The following MMP21 variants were observed in gnomAD, a reference collection of about 807,000 sequenced individuals.
The protein encoded by MMP21 is matrix metalloproteinase-21.
A neutral mutation model predicts 47.8 loss-of-function variants in MMP21; 40 were observed. That is an observed-to-expected ratio of 0.84 (90% CI 0.65 to 1.09). The LOEUF is 1.09. Ranked by LOEUF, MMP21 falls within the 50% of genes least tolerant of loss-of-function variation. The pLI is 0.00. For missense variants in MMP21, 747 were observed against 775.3 expected (o/e 0.96, Z 0.43); for synonymous variants, 341 against 318.0 (o/e 1.07, Z -0.77).
Position 125,773,802 on chromosome 10 carries a change from G to A in MMP21, c.697+29C>T. ...CCGGGGTCCCCGAGGGGCTGGGTCG[G>A]GCAGGCAGGGAGCCCGGGGTGCTCT... On this transcript the variant is annotated intron_variant, in intron 2 of 6. Coordinates refer to ENST00000368808, the MANE Select transcript of MMP21 (RefSeq NM_147191.1). This position sits in a 1 kb window ranked among gnomAD's most constrained non-coding sequence, Gnocchi z 4.8. The A allele has an allele frequency of 6.8e-7, 1 of 1,474,594 alleles. No homozygotes were observed. The highest frequency in any genetic ancestry group is 8.9e-7 in the Non-Finnish European group (1 of 1,118,066). The allele number at this position is 1,474,594 out of a possible 1,614,324, so 91.3% of individuals were successfully genotyped here.
Position 125,773,649 on chromosome 10 carries a change from G to T in MMP21, c.697+182C>A, listed in dbSNP as rs911390621. Among the ~76,000 whole-genome samples the T allele has an allele frequency of 6.6e-6, 1 of 151,416 alleles. No individual in the cohort carries two copies. The highest frequency in any genetic ancestry group is 2.0e-4 in the East Asian group (1 of 5,100). On this transcript the variant is annotated intron_variant, in intron 2 of 6. Transcript: ENST00000368808. This position sits in a 1 kb window ranked among gnomAD's most constrained non-coding sequence, Gnocchi z 4.8. Reference sequence around the variant, plus strand: ...TAGGCCACACCAGGCTATCTGCAGGGTGACCATGATTCCGACAAGACGACG... The same window carrying T: ...TAGGCCACACCAGGCTATCTGCAGGTTGACCATGATTCCGACAAGACGACG...
At position 125,774,076 on chromosome 10, in the gene MMP21, G is replaced by A. The variant is rs909424533; in HGVS notation, c.452C>T (p.Ser151Phe). ...RSRRSPRAPL[S>F]LSRRGWQPRG... ...GGGCTGCCAACCCCGCCGGGACAAG[G>A]ACAGCGGCGCCCGCGGGGAGCGCCT... Residue 151 changes from serine (S) to phenylalanine (F), a missense_variant, in exon 2 of 7, where the codon TCC becomes TTC. Physicochemically the swap from Ser to Phe is radical, Grantham distance 155 (BLOSUM62 -2). Coordinates refer to ENST00000368808, the MANE Select transcript of MMP21 (RefSeq NM_147191.1). 6.4e-6 allele frequency: 9 copies of A among 1,404,090 alleles called. No individual in the cohort carries two copies. In the African/African-American group the frequency reaches 7.5e-5, roughly 12 times the overall value. 87.0% of individuals were successfully genotyped at this position (1,404,090 alleles called of 1,614,324 possible).
chr10:125,773,597 T>G lies in MMP21; in HGVS notation c.697+234A>C. On this transcript the variant is annotated intron_variant, in intron 2 of 6. Transcript: ENST00000368808. The surrounding 1 kb of genome is among the most constrained non-coding windows in gnomAD (Gnocchi z 4.8). ...GAGGAGCAGCCCGGGCAGCAGCCTG[T>G]GCCCAGGGCCGGCCCTAGTGTCCCA... 6.6e-6 allele frequency among the ~76,000 whole-genome samples: 1 copy of G among 151,794 alleles called. No homozygotes were observed. The highest frequency in any genetic ancestry group is 2.0e-4 in the East Asian group (1 of 5,094).
At position 125,772,656 on chromosome 10, in the gene MMP21, C is replaced by T. The variant is rs769743257; in HGVS notation, c.792G>A (p.Glu264=). The stretch of plus-strand genomic sequence containing the variant: ...TGTCACTGGTGGGAGGTGTGAAGTG[C>T]TCGTCGTCGTCAAAGTGAATGTCAC... ...RLGDIHFDDD[E]HFTPPTSDTG... The change falls in exon 3 of 7, where the codon GAG becomes GAA. Residue 264 remains glutamate, a synonymous_variant. Coordinates refer to ENST00000368808, the MANE Select transcript of MMP21 (RefSeq NM_147191.1). This position sits in a 1 kb window ranked among gnomAD's most constrained non-coding sequence, Gnocchi z 5.6. 8.1e-6 allele frequency: 13 copies of T among 1,614,118 alleles called. No individual in the cohort carries two copies. Among genetic ancestry groups the T allele is most frequent in the Non-Finnish European group, 1.1e-5 (13 of 1,180,052 alleles).
In MMP21 at chr10:125,766,619, T is replaced by A; in HGVS notation, c.*43A>T. 6.7e-7 allele frequency: 1 copy of A among 1,487,200 alleles called. No individual in the cohort carries two copies. The allele number at this position is 1,487,200 out of a possible 1,614,324, so 92.1% of individuals were successfully genotyped here. On this transcript the variant is annotated 3_prime_UTR_variant, in exon 7 of 7. Coordinates refer to ENST00000368808, the MANE Select transcript of MMP21 (RefSeq NM_147191.1). ...GTTTTCTTTGTAAACAGTATCAGAA[T>A]TTTAGCGAAGTCCTATGACCCTCCA...
At position 125,773,042 on chromosome 10, in the gene MMP21, C is replaced by T. The variant is rs1293322034; in HGVS notation, c.698-292G>A. Among the ~76,000 whole-genome samples, 7 of 152,222 alleles carry T rather than the reference C, an allele frequency of 4.6e-5. No homozygotes were observed. Among genetic ancestry groups the T allele is most frequent in the African/African-American group, 7.2e-5 (3 of 41,460 alleles). ...GGGAAGATGGCAAAAAGGCCTCACC[C>T]GGACAAGATCGGGGCCGGATCCTCG... On this transcript the variant is annotated intron_variant, in intron 2 of 6. Transcript: ENST00000368808. This position sits in a 1 kb window ranked among gnomAD's most constrained non-coding sequence, Gnocchi z 4.8.
At chr10:125,775,635 T>G in intron 1 of MMP21, 25 bp downstream of exon 1, 1 of 1,584,174 alleles carries the variant, frequency 6.3e-7, no homozygotes, top group Non-Finnish European at 8.6e-7. Context: ...CTGGGGGTAT[T>G]GCTGTTCTTC....
chr10:125,770,341 AAAAT>A lies in MMP21; in HGVS notation c.1226_1229del (p.Tyr409PhefsTer30). The A allele has an allele frequency of 1.2e-6, 2 of 1,614,174 alleles. No individual in the cohort carries two copies. The highest frequency in any genetic ancestry group is 1.7e-6 in the Non-Finnish European group (2 of 1,180,022). On this transcript the variant is annotated frameshift_variant, in exon 5 of 7. Transcript: ENST00000368808. LOFTEE classifies it high-confidence loss of function. ...TCCATGAAGAATCTGTACCTTGAAA[AAAAT>A]AACGTTCATCTCTTTTCCATGTCCA...
chr10:125,772,119 T>G lies in MMP21; in HGVS notation c.979+99A>C. The G allele has an allele frequency of 1.4e-6, 2 of 1,439,192 alleles. No homozygotes were observed. Among genetic ancestry groups the G allele is most frequent in the South Asian group, 2.5e-5 (2 of 79,216 alleles). 89.2% of individuals were successfully genotyped at this position (1,439,192 alleles called of 1,614,324 possible). On this transcript the variant is annotated intron_variant, in intron 4 of 6. Coordinates refer to ENST00000368808, the MANE Select transcript of MMP21 (RefSeq NM_147191.1). The surrounding 1 kb of genome is among the most constrained non-coding windows in gnomAD (Gnocchi z 5.6). ...ACATGAGTTGTACAACGTTGCGCTC[T>G]TAGGCCCAGTTTCCCAGTGAGGAGT...
At chr10:125,771,717 T>C (rs908749999) in intron 4 of MMP21, among the ~76,000 whole-genome samples, 5 of 152,164 alleles carry the variant, frequency 3.3e-5, no homozygotes, top group African/African-American at 9.7e-5. Flanking sequence ...GACCTTTGAA[T>C]GGAAAAGAGG....
At chr10:125,766,995 A>G in intron 6 of MMP21, 34 bp from the exon 7 acceptor site, 1 of 1,499,816 alleles carries the variant, frequency 6.7e-7, no homozygotes, top group Non-Finnish European at 8.9e-7. Context: ...GGCTCTTCTG[A>G]AAATTATTAA....
chr10:125,767,839 G>A (rs1001669636), intron 5 of MMP21, 135 bp from the exon 6 acceptor site: 12 of 830,876 alleles, frequency 1.4e-5, no homozygotes, highest in African/African-American at 3.4e-5. Context: ...CGGGGCTTTC[G>A]GCATCTGAGT....
rs1462004876 is a variant in MMP21, at chr10:125,772,534, A to G, written c.837+77T>C. The G allele has an allele frequency of 2.5e-6, 4 of 1,604,622 alleles. No individual in the cohort carries two copies. The highest frequency in any genetic ancestry group is 2.2e-5 in the East Asian group (1 of 44,658). ...TCAGAGGTTGCGGACACTACATGAG[A>G]AAAGCTTGGACTTTTTGGACGTCAG... On this transcript the variant is annotated intron_variant, in intron 3 of 6. Coordinates refer to ENST00000368808, the MANE Select transcript of MMP21 (RefSeq NM_147191.1). The surrounding 1 kb of genome is among the most constrained non-coding windows in gnomAD (Gnocchi z 5.6).
chr10:125,771,406 A>AT (rs11432830), intron 4 of MMP21, among the ~76,000 whole-genome samples: 1,566 of 140,316 alleles, frequency 0.011, 17 homozygotes, highest in East Asian at 0.041. Flanking sequence ...GTTAGGGACT[A>AT]TTTTTTTTTT....
intron 5 of MMP21, among the ~76,000 whole-genome samples, chr10:125,769,440 C>G (rs532069801): frequency 6.6e-6 from 1 of 152,236 alleles, no homozygotes; most frequent in Non-Finnish European, 1.5e-5. Flanking sequence ...GACCTCATCC[C>G]GGGTAAGTCT....
In MMP21 at chr10:125,775,687, C is replaced by T. The variant is rs761744707; in HGVS notation, c.135G>A (p.Lys45=). The change falls in exon 1 of 7, where the codon AAG becomes AAA. Residue 45 remains lysine (K), a synonymous_variant. Transcript: ENST00000368808. ...GAGCAGCGTGGAGGTCGGCAATGGG[C>T]TTGGCCTGGCGCAGTGGGGACGGCT... ...DLEPSPLRQA[K]PIADLHAAQR... The T allele has an allele frequency of 6.2e-7, 1 of 1,612,190 alleles. No individual in the cohort carries two copies. The highest frequency in any genetic ancestry group is 8.5e-7 in the Non-Finnish European group (1 of 1,178,962).
At position 125,774,231 on chromosome 10, in the gene MMP21, C is replaced by A; in HGVS notation, c.297G>T (p.Pro99=). ...TGGCCGCGTCCAGCTCCCCGCTGGC[C>A]GGCAGCGCGTTCGCCCGCTGGAACC... ...VRRFQRANAL[P]ASGELDAATL... Residue 99 remains proline, a synonymous_variant, in exon 2 of 7, where the codon CCG becomes CCT. Coordinates refer to ENST00000368808, the MANE Select transcript of MMP21 (RefSeq NM_147191.1). 1 of 1,396,872 alleles carries A rather than the reference C, an allele frequency of 7.2e-7. No individual in the cohort carries two copies. The allele number at this position is 1,396,872 out of a possible 1,614,324, so 86.5% of individuals were successfully genotyped here.
At position 125,773,957 on chromosome 10, in the gene MMP21, C is replaced by G. The variant is rs749527458; in HGVS notation, c.571G>C (p.Val191Leu). Residue 191 changes from valine to leucine, a missense_variant, in exon 2 of 7, where the codon GTG (valine) becomes CTG (leucine). By Grantham distance (32) the Val-to-Leu change is conservative. Coordinates refer to ENST00000368808, the MANE Select transcript of MMP21 (RefSeq NM_147191.1). This position sits in a 1 kb window ranked among gnomAD's most constrained non-coding sequence, Gnocchi z 4.8. Reference sequence around the variant, plus strand: ...GCCACAATGCGCCGCTGGTCGGCCACGGACAGTTGGCTGCTCAGGGCCTCG... The same window carrying G: ...GCCACAATGCGCCGCTGGTCGGCCAGGGACAGTTGGCTGCTCAGGGCCTCG... ...LGEALSSQLSVADQRRIVALA... is the reference protein window; with the variant it reads ...LGEALSSQLSLADQRRIVALA... 1 of 1,582,192 alleles carries G rather than the reference C, an allele frequency of 6.3e-7. No homozygotes were observed. The highest frequency in any genetic ancestry group is 8.5e-7 in the Non-Finnish European group (1 of 1,172,150).
chr10:125,770,563 C>A lies in MMP21; in HGVS notation c.1008G>T (p.Ala336=). The change falls in exon 5 of 7, where the codon GCG becomes GCT. Residue 336 remains alanine, a synonymous_variant. Coordinates refer to ENST00000368808, the MANE Select transcript of MMP21 (RefSeq NM_147191.1). The stretch of plus-strand genomic sequence containing the variant: ...TTCTCTCTTTGCGAATCCAGTCAAA[C>A]GCAGTATCAAATGATCCCTCACAGG... ...YGSCEGSFDT[A]FDWIRKERNQ... The A allele has an allele frequency of 2.5e-6, 4 of 1,614,158 alleles. No individual in the cohort carries two copies. The highest frequency in any genetic ancestry group is 2.5e-6 in the Non-Finnish European group (3 of 1,180,030).
Sources: allele counts gnomAD v4.1 joint callset (sites outside exome capture counted in the v4.1 genomes callset), GRCh38; gene constraint gnomAD v4.1.1; non-coding constraint Gnocchi (gnomAD v3.1); transcripts MANE v1.5; gene names NCBI Gene and HGNC (gene_info 2026-07-23, HGNC 2026-07-21).